The following PHTF1 variants were observed in gnomAD, a reference collection of about 807,000 sequenced individuals.
PHTF1 encodes putative homeodomain transcription factor 1, also known as protein PHTF1.
A neutral mutation model predicts 102.4 loss-of-function variants in PHTF1; 88 were observed. The ratio of observed to expected loss-of-function variants is 0.86; its 90% CI spans 0.72 to 1.03. The LOEUF (loss-of-function observed/expected upper bound fraction) is 1.03. Among genes scored for constraint, PHTF1 ranks in the 50% least tolerant of loss-of-function variants. The pLI, the probability that PHTF1 is intolerant of heterozygous loss-of-function variation, is 0.00. For missense variants in PHTF1, 814 were observed against 909.5 expected (o/e 0.89, Z 1.35); for synonymous variants, 289 against 305.2 (o/e 0.95, Z 0.55).
At chr1:113,726,343 T>A in intron 6 of PHTF1, 75 bp downstream of exon 6, 3 of 1,120,222 alleles carry the variant, frequency 2.7e-6, no homozygotes, top group Admixed American at 2.6e-5. Context: ...GATTTTAAAT[T>A]AATCAAAGGT....
intron 11 of PHTF1, among the ~76,000 whole-genome samples, chr1:113,709,173 C>T (rs1171496726): frequency 6.6e-6 from 1 of 151,956 alleles, no homozygotes; most frequent in Non-Finnish European, 1.5e-5. Flanking sequence ...GAGGTTAAGG[C>T]TGCCGTGAGT....
chr1:113,715,820 T>C (rs1050429765), intron 7 of PHTF1, among the ~76,000 whole-genome samples: 1 of 146,048 alleles, frequency 6.8e-6, no homozygotes, highest in Non-Finnish European at 1.5e-5. Context: ...GCAACTGACA[T>C]ACTGAAGAAA....
At chr1:113,720,262 T>C (rs1288246102) in intron 7 of PHTF1, among the ~76,000 whole-genome samples, 4 of 152,136 alleles carry the variant, frequency 2.6e-5, no homozygotes, top group African/African-American at 9.7e-5. Flanking sequence ...TAAATATATA[T>C]GCACCCAACA....
intron 11 of PHTF1, among the ~76,000 whole-genome samples, chr1:113,709,387 A>G (rs752338459): frequency 1.1e-4 from 16 of 152,262 alleles, no homozygotes; most frequent in Non-Finnish European, 2.2e-4. Context: ...AAACAAATAT[A>G]TATCCATCAT....
chr1:113,703,096 C>T (rs941133702), intron 15 of PHTF1, among the ~76,000 whole-genome samples: 2 of 152,178 alleles, frequency 1.3e-5, no homozygotes, highest in African/African-American at 4.8e-5. Flanking sequence ...CACAATCAGA[C>T]TTAAACACAC....
At chr1:113,725,434 T>C (rs1653680459) in intron 6 of PHTF1, 2 of 152,222 alleles carry the variant, frequency 1.3e-5, no homozygotes, top group Admixed American at 6.5e-5. Context: ...TAAAATAACA[T>C]TCAAAAATAA....
chr1:113,735,469 T>C (rs1183414928), intron 5 of PHTF1, among the ~76,000 whole-genome samples: 1 of 150,962 alleles, frequency 6.6e-6, no homozygotes, highest in Non-Finnish European at 1.5e-5. Context: ...TGATAGACTG[T>C]ACAGACATTA....
chr1:113,722,559 C>A (rs1653128734), intron 7 of PHTF1, among the ~76,000 whole-genome samples: 1 of 152,044 alleles, frequency 6.6e-6, no homozygotes, highest in Non-Finnish European at 1.5e-5. Context: ...AGATTCAATG[C>A]AATCCCTATA....
intron 7 of PHTF1, among the ~76,000 whole-genome samples, chr1:113,718,514 C>G (rs1190485412): frequency 6.6e-6 from 1 of 152,214 alleles, no homozygotes; most frequent in African/African-American, 2.4e-5. Context: ...GGCTCCGACC[C>G]CACCTTTTCC....
chr1:113,698,467 T>C, intron 17 of PHTF1, 80 bp from the exon 18 acceptor site: 1 of 1,245,898 alleles, frequency 8.0e-7, no homozygotes, highest in Admixed American at 2.0e-5. Context: ...TGTTTTGTCT[T>C]GGGTATAGAT....
chr1:113,740,516 T>C (rs1260168788), intron 3 of PHTF1, among the ~76,000 whole-genome samples: 1 of 152,226 alleles, frequency 6.6e-6, no homozygotes, highest in African/African-American at 2.4e-5. Flanking sequence ...TTCTGTAGGT[T>C]GTCTCTTCAA....
At chr1:113,729,824 T>C (rs1654378002) in intron 5 of PHTF1, among the ~76,000 whole-genome samples, 1 of 152,170 alleles carries the variant, frequency 6.6e-6, no homozygotes. Flanking sequence ...CAACCACATG[T>C]CAATGATTCC....
chr1:113,699,939 T>G (rs1406766838), intron 16 of PHTF1, 140 bp from the exon 17 acceptor site: 1 of 673,124 alleles, frequency 1.5e-6, no homozygotes, highest in Non-Finnish European at 2.4e-6. Context: ...AGAGAACATA[T>G]GTCATGTGCT....
chr1:113,725,887 G>C (rs1242876199), intron 6 of PHTF1: 2 of 154,198 alleles, frequency 1.3e-5, no homozygotes, highest in East Asian at 1.9e-4. Context: ...AGAATCGCTT[G>C]AACTCAGGAG....
rs1233315736 is a variant in PHTF1 at position 113,738,797 on chromosome 1, A to G, written c.105T>C (p.Gly35=). 3 of 1,581,754 alleles carry G rather than the reference A, an allele frequency of 1.9e-6. No individual in the cohort carries two copies. Among genetic ancestry groups the G allele is most frequent in the Non-Finnish European group, 1.7e-6 (2 of 1,159,792 alleles). ...CCATCTTTTTCGGTTTGTTTTTCAA[A>G]CCCTAGGATAAAACAAAACAAAAAT... ...EKSIEQTQIK[G]LKNKPKKMGH... is the part of the protein sequence containing the mutation. The change falls in exon 4 of 19, where the codon GGT becomes GGC. Residue 35 remains glycine (G), a splice_region_variant and synonymous_variant. Transcript: ENST00000369604.
intron 3 of PHTF1, among the ~76,000 whole-genome samples, chr1:113,751,820 C>T (rs1273710489): frequency 6.6e-6 from 1 of 152,186 alleles, no homozygotes. Flanking sequence ...TTTCCATTTT[C>T]CATGCCCAAC....
intron 7 of PHTF1, among the ~76,000 whole-genome samples, chr1:113,716,975 G>C (rs1008069149): frequency 1.3e-5 from 2 of 152,104 alleles, no homozygotes; most frequent in African/African-American, 2.4e-5. Flanking sequence ...AAGACTAAAA[G>C]ATGAACCAAC....
rs182355676 is a variant in PHTF1, at chr1:113,697,502, T to A, written c.*203A>T. On this transcript the variant is annotated 3_prime_UTR_variant, in exon 19 of 19. Transcript: ENST00000369604. ...GACTATTCATGTTGTTTGAAAAGCA[T>A]GAAAATACAGGTTTTTAGCATGCAC... 1.6e-5 allele frequency: 8 copies of A among 512,394 alleles called. No individual in the cohort carries two copies. The East Asian group carries it at 2.6e-4, about 17-fold the overall frequency. The allele number at this position is 512,394 out of a possible 1,614,324, so 31.7% of individuals were successfully genotyped here.
At chr1:113,729,303 G>A (rs1211538720) in intron 5 of PHTF1, among the ~76,000 whole-genome samples, 3 of 152,152 alleles carry the variant, frequency 2.0e-5, no homozygotes, top group African/African-American at 7.2e-5. Context: ...ATGTGGGGAT[G>A]GTTCATGGGA....
Sources: allele counts gnomAD v4.1 joint callset (sites outside exome capture counted in the v4.1 genomes callset), GRCh38; gene constraint gnomAD v4.1.1; transcripts MANE v1.5; gene names NCBI Gene and HGNC (gene_info 2026-07-23, HGNC 2026-07-21).